Variants in ZRANB3 observed in about 807,000 individuals in gnomAD.
The protein encoded by ZRANB3 is DNA annealing helicase and endonuclease ZRANB3.
ZRANB3 carries 125 observed loss-of-function variants against 133.8 expected under a neutral mutation model. The ratio of observed to expected loss-of-function variants is 0.93; its 90% CI spans 0.81 to 1.08. The LOEUF is 1.08. ZRANB3 is among the 50% of genes least tolerant of loss of function. The probability of loss-of-function intolerance (pLI) is 0.00; values close to 1 mark genes in which losing one functional copy is unlikely to be tolerated. For synonymous variants in ZRANB3, 387 were observed against 432.7 expected (o/e 0.89, Z 1.31); for missense variants, 1,229 against 1,275.5 (o/e 0.96, Z 0.56).
At chr2:135,395,392 C>A (rs61596306) in intron 2 of ZRANB3, among the ~76,000 whole-genome samples, 10,358 of 149,778 alleles carry the variant, frequency 0.069, 744 homozygotes, top group African/African-American at 0.19. Flanking sequence ...GAAACTACTA[C>A]AAGGAAACAC....
chr2:135,494,911 A>G (rs1692594782), intron 2 of ZRANB3, among the ~76,000 whole-genome samples: 1 of 152,240 alleles, frequency 6.6e-6, no homozygotes, highest in Non-Finnish European at 1.5e-5. Flanking sequence ...CATTGGGACA[A>G]CTGACAAAAT....
intron 6 of ZRANB3, among the ~76,000 whole-genome samples, chr2:135,334,896 A>T (rs947818055): frequency 7.2e-5 from 11 of 152,262 alleles, no homozygotes; most frequent in African/African-American, 2.6e-4. Flanking sequence ...CTCCATCTCA[A>T]AAATAAATAT....
At chr2:135,344,079 A>T (rs1394802511) in intron 6 of ZRANB3, among the ~76,000 whole-genome samples, 1 of 152,234 alleles carries the variant, frequency 6.6e-6, no homozygotes, top group Non-Finnish European at 1.5e-5. Context: ...GCTAACAATT[A>T]TCAAGTACTC....
chr2:135,473,401 T>C (rs1559022109), intron 2 of ZRANB3, among the ~76,000 whole-genome samples: 2 of 152,172 alleles, frequency 1.3e-5, no homozygotes, highest in South Asian at 4.1e-4. Flanking sequence ...GAAAAGGACA[T>C]TGATATACTA....
chr2:135,310,164 T>C (rs1421799830), intron 8 of ZRANB3, among the ~76,000 whole-genome samples: 1 of 152,176 alleles, frequency 6.6e-6, no homozygotes, highest in Non-Finnish European at 1.5e-5. Context: ...CTCAAACTCC[T>C]GACCTCAAGT....
At chr2:135,291,141 C>T (rs986513128) in intron 8 of ZRANB3, among the ~76,000 whole-genome samples, 1 of 151,480 alleles carries the variant, frequency 6.6e-6, no homozygotes, top group Non-Finnish European at 1.5e-5. Context: ...GGAATACAGG[C>T]GTGAGCCACT....
At chr2:135,339,187 G>A (rs1211763901) in intron 6 of ZRANB3, among the ~76,000 whole-genome samples, 3 of 152,102 alleles carry the variant, frequency 2.0e-5, no homozygotes, top group African/African-American at 2.4e-5. Context: ...CAGGGTGGGC[G>A]GAACACCTCA....
At chr2:135,263,461 A>C (rs1284021458) in intron 12 of ZRANB3, among the ~76,000 whole-genome samples, 1 of 152,192 alleles carries the variant, frequency 6.6e-6, no homozygotes, top group Non-Finnish European at 1.5e-5. Flanking sequence ...TATTGAAAAG[A>C]GCCTAGAAGC....
At chr2:135,484,070 G>GA (rs1169614344) in intron 2 of ZRANB3, among the ~76,000 whole-genome samples, 2 of 152,070 alleles carry the variant, frequency 1.3e-5, no homozygotes, top group African/African-American at 2.4e-5. Flanking sequence ...GTGTGGTGCT[G>GA]AAAAAAATGT....
chr2:135,254,539 GGAGGCGGAGGTTGCAGTGAGCCAA>G (rs1482965179), intron 12 of ZRANB3, among the ~76,000 whole-genome samples: 1 of 151,970 alleles, frequency 6.6e-6, no homozygotes, highest in Non-Finnish European at 1.5e-5. Context: ...CTTGAACCTG[GGAGGCGGAGGTTGCAGTGAGCCAA>G]GATCATACTA....
chr2:135,280,954 T>C (rs1470425623), intron 8 of ZRANB3, among the ~76,000 whole-genome samples: 1 of 152,128 alleles, frequency 6.6e-6, no homozygotes, highest in Non-Finnish European at 1.5e-5. Context: ...ATCCCCCCAC[T>C]CTTGATATTG....
At chr2:135,330,887 G>A (rs775610568) in intron 6 of ZRANB3, among the ~76,000 whole-genome samples, 3 of 152,168 alleles carry the variant, frequency 2.0e-5, no homozygotes, top group African/African-American at 7.2e-5. Flanking sequence ...CGTGGGATGA[G>A]TGATGATATC....
intron 1 of ZRANB3, among the ~76,000 whole-genome samples, chr2:135,506,213 A>G (rs1002613728): frequency 1.3e-5 from 2 of 152,156 alleles, no homozygotes; most frequent in South Asian, 4.1e-4. Flanking sequence ...CAACGTGGCG[A>G]AACACTGTCC....
intron 2 of ZRANB3, among the ~76,000 whole-genome samples, chr2:135,467,454 T>C (rs1691049473): frequency 6.6e-6 from 1 of 152,204 alleles, no homozygotes. Context: ...AATTTCCCAA[T>C]ACAAACCTTA....
chr2:135,493,189 A>C (rs1338430310), intron 2 of ZRANB3, among the ~76,000 whole-genome samples: 9 of 130,546 alleles, frequency 6.9e-5, no homozygotes, highest in East Asian at 2.3e-4. Flanking sequence ...AAAAAGGAAA[A>C]CTATAAAGCT....
chr2:135,384,623 C>A (rs1181447571), intron 3 of ZRANB3, among the ~76,000 whole-genome samples: 1 of 152,150 alleles, frequency 6.6e-6, no homozygotes, highest in African/African-American at 2.4e-5. Context: ...AATCCAGCAG[C>A]ACATCAAAAA....
chr2:135,221,867 C>G (rs1694568527), intron 15 of ZRANB3, among the ~76,000 whole-genome samples: 1 of 152,172 alleles, frequency 6.6e-6, no homozygotes, highest in Admixed American at 6.5e-5. Flanking sequence ...TGGTGTCTCT[C>G]TCTCAGTTAT....
At chr2:135,234,310 T>C (rs1215247236) in intron 12 of ZRANB3, among the ~76,000 whole-genome samples, 1 of 152,270 alleles carries the variant, frequency 6.6e-6, no homozygotes, top group South Asian at 2.1e-4. Flanking sequence ...CTTAGAGACC[T>C]ACAAAGAGAC....
At chr2:135,333,661 T>C (rs187215582) in intron 6 of ZRANB3, among the ~76,000 whole-genome samples, 130 of 152,306 alleles carry the variant, frequency 8.5e-4, no homozygotes, top group Admixed American at 4.3e-3. Context: ...AATTATTTAA[T>C]GGGTACAGAG....
Sources: allele counts gnomAD v4.1 joint callset (sites outside exome capture counted in the v4.1 genomes callset), GRCh38; gene constraint gnomAD v4.1.1; transcripts MANE v1.5; gene names NCBI Gene and HGNC (gene_info 2026-07-23, HGNC 2026-07-21).